HS6ST2: variants seen among roughly 807,000 people sequenced by gnomAD.
HS6ST2 encodes the protein heparan-sulfate 6-O-sulfotransferase 2.
A neutral mutation model predicts 33.0 loss-of-function variants in HS6ST2; 17 were observed. The observed-to-expected ratio is 0.52, with a 90% CI of 0.35 to 0.77. The LOEUF (loss-of-function observed/expected upper bound fraction) is 0.77, where lower values mean the gene tolerates loss of function less well. Among genes scored for constraint, HS6ST2 ranks in the 30% least tolerant of loss-of-function variants. The probability of loss-of-function intolerance (pLI) is 0.01; values close to 1 mark genes in which losing one functional copy is unlikely to be tolerated. For missense variants in HS6ST2, 519 were observed against 551.7 expected, an observed-to-expected ratio of 0.94 and a Z score of 0.59; for synonymous variants, 248 against 237.1, an observed-to-expected ratio of 1.05 and a Z score of -0.42.
At chrX:132,636,075 C>T (rs764569405) in intron 4 of HS6ST2, among the ~76,000 whole-genome samples, 3 of 111,353 alleles carry the variant, frequency 2.7e-5, no homozygotes, top group East Asian at 5.7e-4. Context: ...GATTGTCAAG[C>T]GATTTTTCTG....
chrX:132,679,000 G>A (rs2063946600), intron 3 of HS6ST2, among the ~76,000 whole-genome samples: 1 of 111,995 alleles, frequency 8.9e-6, no homozygotes, highest in Non-Finnish European at 1.9e-5. Context: ...TAGAAATATA[G>A]AGTTAGAGGA....
chrX:132,757,361 G>C (rs1470557775), intron 2 of HS6ST2, among the ~76,000 whole-genome samples: 1 of 112,068 alleles, frequency 8.9e-6, no homozygotes, highest in Non-Finnish European at 1.9e-5. Context: ...CTCGAGCACA[G>C]AGTCACTGGT....
At chrX:132,686,934 C>G (rs962235287) in intron 3 of HS6ST2, among the ~76,000 whole-genome samples, 1 of 111,914 alleles carries the variant, frequency 8.9e-6, no homozygotes, top group Non-Finnish European at 1.9e-5. Context: ...GTGTTCCATA[C>G]TTTCAAAGAA....
chrX:132,952,532 T>C (rs1023307947), intron 2 of HS6ST2, among the ~76,000 whole-genome samples: 4 of 111,268 alleles, frequency 3.6e-5, no homozygotes, highest in African/African-American at 1.3e-4. Context: ...TTGTGAGGCA[T>C]GATCAGGTAC....
At chrX:132,950,932 G>A (rs1250545400) in intron 2 of HS6ST2, among the ~76,000 whole-genome samples, 2 of 110,780 alleles carry the variant, frequency 1.8e-5, no homozygotes, top group East Asian at 5.7e-4. Context: ...AAATAACAAC[G>A]CCAATTGTGA....
At chrX:132,751,252 G>A (rs1344397207) in intron 2 of HS6ST2, among the ~76,000 whole-genome samples, 1 of 110,295 alleles carries the variant, frequency 9.1e-6, no homozygotes, top group African/African-American at 3.3e-5. Flanking sequence ...TCCTGAGGTG[G>A]GGCGGGGCGG....
chrX:132,787,179 A>ATG (rs1206558764), intron 2 of HS6ST2, among the ~76,000 whole-genome samples: 1 of 81,931 alleles, frequency 1.2e-5, no homozygotes, highest in Admixed American at 1.4e-4. Flanking sequence ...ATATATATAT[A>ATG]TATATATACA....
At chrX:132,859,449 G>C (rs1451032278) in intron 2 of HS6ST2, among the ~76,000 whole-genome samples, 3 of 110,747 alleles carry the variant, frequency 2.7e-5, no homozygotes, top group Non-Finnish European at 5.7e-5. Flanking sequence ...GCACTCGAAA[G>C]AGCCCCAGAG....
At chrX:132,936,796 C>T (rs780305854) in intron 2 of HS6ST2, among the ~76,000 whole-genome samples, 1 of 109,791 alleles carries the variant, frequency 9.1e-6, no homozygotes, top group African/African-American at 3.3e-5. Context: ...CACCAAACCC[C>T]AGTGACATGC....
At chrX:132,853,265 T>C (rs748611112) in intron 2 of HS6ST2, among the ~76,000 whole-genome samples, 4 of 110,366 alleles carry the variant, frequency 3.6e-5, no homozygotes, top group Non-Finnish European at 5.7e-5. Context: ...GCAATCCTCC[T>C]GAATCAGCTT....
chrX:132,668,740 T>C (rs113947572), intron 4 of HS6ST2, among the ~76,000 whole-genome samples: 6 of 111,746 alleles, frequency 5.4e-5, no homozygotes, highest in African/African-American at 1.9e-4. Context: ...CAGGACAGGT[T>C]TTCATGGACT....
chrX:132,713,494 G>A (rs2064249329), intron 2 of HS6ST2, among the ~76,000 whole-genome samples: 1 of 110,727 alleles, frequency 9.0e-6, no homozygotes, highest in Non-Finnish European at 1.9e-5. Flanking sequence ...GCAGTTAAAG[G>A]CCATGCGGAA....
At chrX:132,637,894 A>ATATATAATATATATATAATATTT (rs1325312983) in intron 4 of HS6ST2, among the ~76,000 whole-genome samples, 4 of 52,062 alleles carry the variant, frequency 7.7e-5, no homozygotes, top group Non-Finnish European at 1.1e-4. Flanking sequence ...ATAATATTTT[A>ATATATAATATATATATAATATTT]TATATAATAT....
Position 132,778,372 on chromosome X carries a change from AC to A in HS6ST2, c.948-69879del, listed in dbSNP as rs760063098. Among the ~76,000 whole-genome samples, 5 of 110,936 alleles carry A rather than the reference AC, an allele frequency of 4.5e-5. No individual in the cohort carries two copies. The Admixed American group carries it at 4.8e-4, about 11-fold the overall frequency. On this transcript the variant is annotated intron_variant, in intron 2 of 4. Coordinates refer to ENST00000370833, the MANE Select transcript of HS6ST2 (RefSeq NM_001394073.1). ...TATCAGATGCTGGATTGAGCAAAAA[AC>A]GTTGTTTTGTTTTGTTTTGTTTTGT...
At chrX:132,752,238 G>A (rs2064713056) in intron 2 of HS6ST2, among the ~76,000 whole-genome samples, 1 of 110,988 alleles carries the variant, frequency 9.0e-6, no homozygotes, top group African/African-American at 3.3e-5. Flanking sequence ...TTGGAAGGCC[G>A]AGGTGGGCAG....
chrX:132,637,696 T>C (rs753235642), intron 4 of HS6ST2, among the ~76,000 whole-genome samples: 1 of 88,507 alleles, frequency 1.1e-5, no homozygotes, highest in African/African-American at 4.2e-5. Flanking sequence ...TCAATAGGAG[T>C]GAACATTCTA....
At chrX:132,696,018 C>T (rs1014334548) in intron 3 of HS6ST2, among the ~76,000 whole-genome samples, 1 of 111,390 alleles carries the variant, frequency 9.0e-6, no homozygotes, top group African/African-American at 3.3e-5. Flanking sequence ...TCCTCTGAGT[C>T]GGTGGAGGAA....
intron 2 of HS6ST2, among the ~76,000 whole-genome samples, chrX:132,953,357 C>G (rs2067035108): frequency 9.6e-6 from 1 of 104,212 alleles, no homozygotes. Flanking sequence ...CTTTCACCAG[C>G]CAAGCTCTCT....
At chrX:132,806,085 C>T (rs912408796) in intron 2 of HS6ST2, among the ~76,000 whole-genome samples, 3 of 110,025 alleles carry the variant, frequency 2.7e-5, no homozygotes, top group African/African-American at 9.8e-5. Context: ...CCTTGGTATA[C>T]CACATTCACA....
Sources: gnomAD v4.1 joint callset for allele counts (sites outside exome capture counted in the v4.1 genomes callset) on GRCh38, gnomAD v4.1.1 for gene constraint, MANE v1.5 for transcripts, NCBI Gene and HGNC (gene_info 2026-07-23, HGNC 2026-07-21) for gene names.